Variants in TSPOAP1 observed in about 807,000 individuals in gnomAD.
TSPOAP1 encodes TSPO associated protein 1, also known as peripheral-type benzodiazepine receptor-associated protein 1.
A neutral mutation model predicts 197.0 loss-of-function variants in TSPOAP1; 87 were observed. The observed-to-expected ratio is 0.44, with a 90% CI of 0.37 to 0.53. TSPOAP1 has a LOEUF of 0.53. Ranked by LOEUF, TSPOAP1 falls within the 20% of genes least tolerant of loss-of-function variation. TSPOAP1 has a pLI of 0.00. For synonymous variants in TSPOAP1, 913 were observed against 998.9 expected, an observed-to-expected ratio of 0.91 and a Z score of 1.62; for missense variants, 2,174 against 2,411.3, an observed-to-expected ratio of 0.90 and a Z score of 2.06.
rs756745240 is a variant in TSPOAP1 at position 58,312,147 on chromosome 17, G to A, written c.2674C>T (p.Arg892Trp). Residue 892 changes from arginine to tryptophan, a missense_variant, in exon 17 of 32, where the codon CGG becomes TGG. Arg to Trp is a moderately radical substitution (Grantham distance 101). Coordinates refer to ENST00000343736, the MANE Select transcript of TSPOAP1 (RefSeq NM_004758.4). ...GVVPSQLRVH[R>W]LTATSAEITW... ...ATCTCAGCAGATGTGGCTGTCAACC[G>A]ATGGACCCGCAGCTGGCTGGGCACC... The A allele has an allele frequency of 4.0e-5, 65 of 1,613,066 alleles. No homozygotes were observed. Among genetic ancestry groups the A allele is most frequent in the East Asian group, 4.5e-5 (2 of 44,892 alleles).
In TSPOAP1 at chr17:58,309,505, C is replaced by G; in HGVS notation, c.3892-125G>C. ...GGGTTACGGACAACCCCACAGCCCT[C>G]CCACGGCTTCCTCCGAGAGGAGAGA... On this transcript the variant is annotated intron_variant, in intron 21 of 31. Transcript: ENST00000343736. This position sits in a 1 kb window ranked among gnomAD's most constrained non-coding sequence, Gnocchi z 5.0. The G allele has an allele frequency of 4.7e-6, 6 of 1,283,110 alleles. No homozygotes were observed. The highest frequency in any genetic ancestry group is 5.2e-6 in the Non-Finnish European group (5 of 962,116). The allele number at this position is 1,283,110 out of a possible 1,614,324, so 79.5% of individuals were successfully genotyped here.
rs754846268 is a variant in TSPOAP1 at position 58,327,968 on chromosome 17, C to A, written c.-48G>T. 1.3e-6 allele frequency: 2 copies of A among 1,491,510 alleles called. No individual in the cohort carries two copies. Among genetic ancestry groups the A allele is most frequent in the South Asian group, 2.5e-5 (2 of 79,696 alleles). 92.4% of individuals were successfully genotyped at this position (1,491,510 alleles called of 1,614,324 possible). A position where few individuals can be genotyped will look rare whatever the true frequency, so the allele number is the denominator to read the frequency against. ...ACCCGGGCCGGGGGACATCACCCAG[C>A]CAGGTGGGGGGACTGGCGAGGGTCA... On this transcript the variant is annotated 5_prime_UTR_variant, in exon 1 of 32. Coordinates refer to ENST00000343736, the MANE Select transcript of TSPOAP1 (RefSeq NM_004758.4).
intron 12 of TSPOAP1, among the ~76,000 whole-genome samples, chr17:58,319,714 G>A (rs1007878754): frequency 6.6e-6 from 1 of 152,250 alleles, no homozygotes; most frequent in African/African-American, 2.4e-5. Context: ...CCTGAGAGAG[G>A]CGGGCAGGAA....
Position 58,304,317 on chromosome 17 carries a change from G to T in TSPOAP1, c.*32+21C>A. On this transcript the variant is annotated intron_variant, in intron 31 of 31. Transcript: ENST00000343736. This position sits in a 1 kb window ranked among gnomAD's most constrained non-coding sequence, Gnocchi z 4.2. ...TCAAGTGGGGGTGGACGGTCACACA[G>T]GGGGGCAGTCCCCCACTTACATGTT... The T allele has an allele frequency of 6.2e-7, 1 of 1,600,626 alleles. No individual in the cohort carries two copies.
chr17:58,316,181 C>G (rs1191357355), intron 15 of TSPOAP1, 49 bp from the exon 16 acceptor site: 1 of 1,413,640 alleles, frequency 7.1e-7, no homozygotes, highest in East Asian at 2.3e-5. Context: ...CTACACTCCA[C>G]TTCCATGTCC....
At position 58,327,952 on chromosome 17, in the gene TSPOAP1, G is replaced by C; in HGVS notation, c.-32C>G. The C allele has an allele frequency of 6.5e-7, 1 of 1,539,106 alleles. No homozygotes were observed. Among genetic ancestry groups the C allele is most frequent in the Non-Finnish European group, 8.8e-7 (1 of 1,138,272 alleles). On this transcript the variant is annotated 5_prime_UTR_variant, in exon 1 of 32. Coordinates refer to ENST00000343736, the MANE Select transcript of TSPOAP1 (RefSeq NM_004758.4). ...GCCAAGGGGCCCCAGAACCCGGGCC[G>C]GGGGACATCACCCAGCCAGGTGGGG...
chr17:58,324,756 G>T lies in TSPOAP1; in HGVS notation c.942+55C>A. On this transcript the variant is annotated intron_variant, in intron 5 of 31. Transcript: ENST00000343736. The surrounding 1 kb of genome is among the most constrained non-coding windows in gnomAD (Gnocchi z 5.8). The stretch of plus-strand genomic sequence containing the variant: ...CGGTGCAGGGGAGATCCCGGTGGTC[G>T]TTCCCCCCACCCATCTGCACGCACC... The T allele has an allele frequency of 7.3e-7, 1 of 1,369,732 alleles. No homozygotes were observed. Among genetic ancestry groups the T allele is most frequent in the Admixed American group, 2.9e-5 (1 of 34,050 alleles). 84.8% of individuals were successfully genotyped at this position (1,369,732 alleles called of 1,614,324 possible). A position where few individuals can be genotyped will look rare whatever the true frequency, so the allele number is the denominator to read the frequency against.
rs1971078481 is a variant in TSPOAP1 at position 58,311,558 on chromosome 17, G to C, written c.3081+13C>G. The C allele has an allele frequency of 6.4e-7, 1 of 1,552,324 alleles. No homozygotes were observed. Among genetic ancestry groups the C allele is most frequent in the East Asian group, 2.3e-5 (1 of 43,900 alleles). On this transcript the variant is annotated intron_variant, in intron 18 of 31. Coordinates refer to ENST00000343736, the MANE Select transcript of TSPOAP1 (RefSeq NM_004758.4). ...CCACCCCCACTCCCAGGGTACAGTG[G>C]GCAGGGCTATACCTTCTGCCCATCA...
rs1409523088 is a variant in TSPOAP1 at position 58,326,816 on chromosome 17, G to C, written c.334-26C>G. 2 of 1,602,324 alleles carry C rather than the reference G, an allele frequency of 1.2e-6. No individual in the cohort carries two copies. Among genetic ancestry groups the C allele is most frequent in the African/African-American group, 2.7e-5 (2 of 74,670 alleles). Reference sequence around the variant, plus strand: ...CTGGCATGGGAAAGGACCGAGGACAGCACCTCAGAAACCCACGTCACCCAG... The same window carrying C: ...CTGGCATGGGAAAGGACCGAGGACACCACCTCAGAAACCCACGTCACCCAG... On this transcript the variant is annotated intron_variant, in intron 1 of 31. Coordinates refer to ENST00000343736, the MANE Select transcript of TSPOAP1 (RefSeq NM_004758.4). This position sits in a 1 kb window ranked among gnomAD's most constrained non-coding sequence, Gnocchi z 4.7.
intron 18 of TSPOAP1, 36 bp downstream of exon 18, chr17:58,311,535 A>G: frequency 1.3e-6 from 2 of 1,523,452 alleles, no homozygotes; most frequent in Non-Finnish European, 1.8e-6. Flanking sequence ...GAAGGGACCC[A>G]CCCCCACTCC....
chr17:58,311,881 A>G lies in TSPOAP1; in HGVS notation c.2929+11T>C. 1 of 1,527,062 alleles carries G rather than the reference A, an allele frequency of 6.5e-7. No homozygotes were observed. Among genetic ancestry groups the G allele is most frequent in the South Asian group, 1.3e-5 (1 of 77,780 alleles). 94.6% of individuals were successfully genotyped at this position (1,527,062 alleles called of 1,614,324 possible). A position where few individuals can be genotyped will look rare whatever the true frequency, so the allele number is the denominator to read the frequency against. On this transcript the variant is annotated intron_variant, in intron 17 of 31. Transcript: ENST00000343736. ...TGGGTGTTCTGGACAACAGGGCCCA[A>G]GCCCACATACCTGCTGGGAGTGTGG...
chr17:58,305,995 C>A, intron 26 of TSPOAP1, 130 bp from the exon 27 acceptor site: 1 of 1,016,090 alleles, frequency 9.8e-7, no homozygotes, highest in South Asian at 1.5e-5. Flanking sequence ...GCGCATCTCC[C>A]CAACCCTTTT....
rs1970737787 is a variant in TSPOAP1, at chr17:58,302,195, C to T, written c.*285G>A. The stretch of plus-strand genomic sequence containing the variant: ...CGGGGGCTCTGGGCCCAGTCTGAGC[C>T]TTCCCTGCTCAGCAGAGACAGTGAT... On this transcript the variant is annotated 3_prime_UTR_variant, in exon 32 of 32. Transcript: ENST00000343736. The T allele has an allele frequency of 8.0e-7, 1 of 1,243,362 alleles. No individual in the cohort carries two copies. Among genetic ancestry groups the T allele is most frequent in the South Asian group, 1.3e-5 (1 of 76,980 alleles). 77.0% of individuals were successfully genotyped at this position (1,243,362 alleles called of 1,614,324 possible).
intron 12 of TSPOAP1, 95 bp downstream of exon 12, chr17:58,320,014 G>C (rs1321473065): frequency 6.8e-7 from 1 of 1,481,240 alleles, no homozygotes; most frequent in African/African-American, 1.4e-5. Context: ...CACCCCCTCT[G>C]CTGGATGAGA....
In TSPOAP1 at chr17:58,322,857, C is replaced by T; in HGVS notation, c.1195-81G>A. 6.2e-7 allele frequency: 1 copy of T among 1,604,780 alleles called. No homozygotes were observed. Among genetic ancestry groups the T allele is most frequent in the South Asian group, 1.1e-5 (1 of 90,282 alleles). ...CCTCACAGGGGGAACAGTACCCTAC[C>T]CCTGCTCAGGGGTGGAGGAGAAAGC... is the stretch of plus-strand genomic sequence containing the variant. On this transcript the variant is annotated intron_variant, in intron 8 of 31. Coordinates refer to ENST00000343736, the MANE Select transcript of TSPOAP1 (RefSeq NM_004758.4). This position sits in a 1 kb window ranked among gnomAD's most constrained non-coding sequence, Gnocchi z 5.0.
At chr17:58,313,466 A>G (rs1971129575) in intron 16 of TSPOAP1, among the ~76,000 whole-genome samples, 1 of 152,094 alleles carries the variant, frequency 6.6e-6, no homozygotes, top group South Asian at 2.1e-4. Context: ...TGCAAAAATT[A>G]GCTGGGAGTG....
In TSPOAP1 at chr17:58,301,616, G is replaced by A. The variant is rs902702051; in HGVS notation, c.*864C>T. 6.5e-6 allele frequency: 1 copy of A among 152,714 alleles called. No individual in the cohort carries two copies. The highest frequency in any genetic ancestry group is 1.9e-4 in the East Asian group (1 of 5,206). The allele number at this position is 152,714 out of a possible 1,614,324, so 9.5% of individuals were successfully genotyped here. On this transcript the variant is annotated 3_prime_UTR_variant, in exon 32 of 32. Coordinates refer to ENST00000343736, the MANE Select transcript of TSPOAP1 (RefSeq NM_004758.4). The stretch of plus-strand genomic sequence containing the variant: ...GGGTCTTTGGGGGCGGGACCTTACA[G>A]GGGCCAGCAGGCCCCGGCAGGGAAG...
intron 14 of TSPOAP1, 57 bp from the exon 15 acceptor site, chr17:58,316,597 C>T (rs1475847650): frequency 6.9e-7 from 1 of 1,444,430 alleles, no homozygotes; most frequent in Non-Finnish European, 9.5e-7. Context: ...AAGCGCCAAG[C>T]AGGCAGGTTT....
intron 14 of TSPOAP1, among the ~76,000 whole-genome samples, chr17:58,317,496 G>A (rs113238887): frequency 2.0e-5 from 3 of 152,156 alleles, no homozygotes; most frequent in African/African-American, 7.2e-5. Context: ...GCCAATGCCT[G>A]GGAGAAGGGG....
Sources: gnomAD v4.1 joint callset for allele counts (sites outside exome capture counted in the v4.1 genomes callset) on GRCh38, gnomAD v4.1.1 for gene constraint, Gnocchi (gnomAD v3.1) non-coding constraint, MANE v1.5 for transcripts, NCBI Gene and HGNC (gene_info 2026-07-23, HGNC 2026-07-21) for gene names.